Variants in ERBB4 observed in about 807,000 individuals in gnomAD.
ERBB4 encodes receptor tyrosine-protein kinase erbB-4.
In ERBB4, 42 loss-of-function variants were observed where a neutral mutation model predicts 158.0. The observed-to-expected ratio is 0.27, with a 90% confidence interval of 0.21 to 0.34. The LOEUF is 0.34. Ranked by LOEUF, ERBB4 falls within the 10% of genes least tolerant of loss-of-function variation. ERBB4 has a pLI of 1.00. For missense variants in ERBB4, 1,333 were observed against 1,624.1 expected, an observed-to-expected ratio of 0.82 and a Z score of 3.08; for synonymous variants, 583 against 558.7, an observed-to-expected ratio of 1.04 and a Z score of -0.61.
chr2:212,276,307 A>G, intron 1 of ERBB4, among the ~76,000 whole-genome samples: 1 of 151,972 alleles, frequency 6.6e-6, no homozygotes, highest in Middle Eastern at 3.4e-3. Flanking sequence ...GAATATAGTC[A>G]TAAAGACTAT....
At chr2:212,191,034 A>C in intron 1 of ERBB4, among the ~76,000 whole-genome samples, 1 of 144,088 alleles carries the variant, frequency 6.9e-6, no homozygotes, top group Admixed American at 7.0e-5. Context: ...CCCTAAGGGC[A>C]TTTTTTTTTT....
chr2:211,583,850 C>T (rs1328739664), intron 19 of ERBB4, among the ~76,000 whole-genome samples: 1 of 151,080 alleles, frequency 6.6e-6, no homozygotes, highest in Non-Finnish European at 1.5e-5. Context: ...CTGTATTCTT[C>T]AACGTTCCCC....
At position 212,399,540 on chromosome 2, in the gene ERBB4, A is replaced by T. The variant is rs1240142442; in HGVS notation, c.82+138909T>A. The stretch of plus-strand genomic sequence containing the variant: ...ATGCCTCCCCTGATATATATTTTAT[A>T]TATACATATATATATATATATATAT... On this transcript the variant is annotated intron_variant, in intron 1 of 27. Transcript: ENST00000342788. Among the ~76,000 whole-genome samples the T allele has an allele frequency of 6.1e-4, 12 of 19,750 alleles. No individual in the cohort carries two copies. In the African/African-American group the frequency reaches 7.2e-3, roughly 12 times the overall value. 13.0% of individuals were successfully genotyped at this position (19,750 alleles called of 152,430 possible).
At chr2:212,111,579 G>A (rs956485095) in intron 2 of ERBB4, among the ~76,000 whole-genome samples, 2 of 151,962 alleles carry the variant, frequency 1.3e-5, no homozygotes, top group African/African-American at 4.8e-5. Context: ...TTAAAAAGGA[G>A]AGGATTTCCC....
At chr2:212,425,440 T>TAACATATATGTATATG (rs2091893166) in intron 1 of ERBB4, among the ~76,000 whole-genome samples, 1 of 127,732 alleles carries the variant, frequency 7.8e-6, no homozygotes, top group Non-Finnish European at 1.6e-5. Context: ...CCTTATATAT[T>TAACATATATGTATATG]TATACAATAA....
In ERBB4 at chr2:211,942,649, A is replaced by G. The variant is rs544576952; in HGVS notation, c.421+4781T>C. On this transcript the variant is annotated intron_variant, in intron 3 of 27. Transcript: ENST00000342788. ...TTTTTGTTTGTCCATACCTCAGATA[A>G]TAATCAAATCAAGATGATCCAGTAC... 2.6e-5 allele frequency among the ~76,000 whole-genome samples: 4 copies of G among 152,266 alleles called. No individual in the cohort carries two copies. In the South Asian group the frequency reaches 8.3e-4, roughly 32 times the overall value.
chr2:211,923,617 G>A (rs1002079150), intron 3 of ERBB4, among the ~76,000 whole-genome samples: 2 of 152,096 alleles, frequency 1.3e-5, no homozygotes, highest in South Asian at 2.1e-4. Flanking sequence ...AGGGGAAAAG[G>A]TTCAACTGGA....
At chr2:211,885,116 A>G (rs1174088652) in intron 3 of ERBB4, among the ~76,000 whole-genome samples, 2 of 152,184 alleles carry the variant, frequency 1.3e-5, no homozygotes, top group Admixed American at 1.3e-4. Context: ...GATATTTAAA[A>G]TTAAAACTTT....
At chr2:211,895,745 T>A (rs1239186200) in intron 3 of ERBB4, among the ~76,000 whole-genome samples, 1 of 152,184 alleles carries the variant, frequency 6.6e-6, no homozygotes, top group Non-Finnish European at 1.5e-5. Context: ...CTATACACAC[T>A]GTTAACCCTT....
chr2:211,862,823 A>G (rs2078097532), intron 3 of ERBB4, among the ~76,000 whole-genome samples: 1 of 152,218 alleles, frequency 6.6e-6, no homozygotes, highest in South Asian at 2.1e-4. Flanking sequence ...TGAGAGGTGA[A>G]GCCAGTTGGA....
At chr2:212,164,690 T>A in intron 1 of ERBB4, among the ~76,000 whole-genome samples, 1 of 88,220 alleles carries the variant, frequency 1.1e-5, no homozygotes, top group South Asian at 2.6e-4. Flanking sequence ...TTTAGGTAAA[T>A]AATCCCTTTT....
At chr2:211,833,330 C>A (rs1184219739) in intron 3 of ERBB4, among the ~76,000 whole-genome samples, 9 of 152,130 alleles carry the variant, frequency 5.9e-5, no homozygotes, top group Non-Finnish European at 1.3e-4. Context: ...AGGTTCTCTC[C>A]ATTTTTCTGC....
chr2:211,421,068 A>T (rs1270337257), intron 24 of ERBB4, among the ~76,000 whole-genome samples: 2 of 151,962 alleles, frequency 1.3e-5, no homozygotes, highest in East Asian at 1.9e-4. Flanking sequence ...CTGCATTATC[A>T]AAGTAGGGGC....
At chr2:212,504,784 A>C (rs965325835) in intron 1 of ERBB4, among the ~76,000 whole-genome samples, 2 of 152,124 alleles carry the variant, frequency 1.3e-5, no homozygotes, top group Non-Finnish European at 2.9e-5. Context: ...GCTATTTCTG[A>C]GTTGTGTTTG....
chr2:212,238,087 G>A (rs1357053941), intron 1 of ERBB4, among the ~76,000 whole-genome samples: 1 of 152,158 alleles, frequency 6.6e-6, no homozygotes, highest in Non-Finnish European at 1.5e-5. Flanking sequence ...AGGAGTAAAC[G>A]GTTCTGTCTT....
At chr2:211,672,461 CTA>C (rs1319585047) in intron 14 of ERBB4, among the ~76,000 whole-genome samples, 1 of 152,154 alleles carries the variant, frequency 6.6e-6, no homozygotes, top group Non-Finnish European at 1.5e-5. Context: ...TAACTTCAAA[CTA>C]TGTAAATGAG....
At chr2:211,569,962 T>C (rs1053946282) in intron 19 of ERBB4, among the ~76,000 whole-genome samples, 1 of 152,122 alleles carries the variant, frequency 6.6e-6, no homozygotes, top group African/African-American at 2.4e-5. Flanking sequence ...TATCATATAA[T>C]TTTCTCCCCT....
At chr2:212,215,828 T>C (rs1183018631) in intron 1 of ERBB4, among the ~76,000 whole-genome samples, 4 of 151,494 alleles carry the variant, frequency 2.6e-5, no homozygotes, top group African/African-American at 9.7e-5. Context: ...ATGCGCCTAC[T>C]TTTCTTAAAT....
intron 2 of ERBB4, among the ~76,000 whole-genome samples, chr2:212,033,927 T>C (rs184245526): frequency 8.4e-4 from 128 of 152,042 alleles, no homozygotes; most frequent in Middle Eastern, 3.4e-3. Context: ...ACAAAAATTG[T>C]AGCAGGAAAT....
Sources: gnomAD v4.1 joint callset for allele counts (sites outside exome capture counted in the v4.1 genomes callset) on GRCh38, gnomAD v4.1.1 for gene constraint, MANE v1.5 for transcripts, NCBI Gene and HGNC (gene_info 2026-07-23, HGNC 2026-07-21) for gene names.